ST6GALNAC6: variants seen among roughly 807,000 people sequenced by gnomAD.
The protein encoded by ST6GALNAC6 is alpha-N-acetylgalactosaminide alpha-2,6-sialyltransferase 6.
ST6GALNAC6 carries 19 observed loss-of-function variants against 34.3 expected under a neutral mutation model. The observed-to-expected ratio is 0.55, with a 90% CI of 0.39 to 0.81. ST6GALNAC6 has a LOEUF of 0.81. Among genes scored for constraint, ST6GALNAC6 ranks in the 40% least tolerant of loss-of-function variants. The pLI, the probability that ST6GALNAC6 is intolerant of heterozygous loss-of-function variation, is 0.00. For synonymous variants in ST6GALNAC6, 185 were observed against 182.1 expected, an observed-to-expected ratio of 1.02 and a Z score of -0.13; for missense variants, 377 against 467.7, an observed-to-expected ratio of 0.81 and a Z score of 1.79.
At chr9:127,903,535 C>T (rs919504174), upstream of ST6GALNAC6, 7 of 152,178 alleles carry the variant, frequency 4.6e-5, no homozygotes, top group Non-Finnish European at 7.3e-5. Flanking sequence ...CAGCAGTAGT[C>T]CCCCAGGGTC....
At chr9:127,899,637 C>G (rs1830677475), upstream of ST6GALNAC6, 1 of 983,176 alleles carries the variant, frequency 1.0e-6, no homozygotes, top group South Asian at 4.7e-5. Flanking sequence ...CCTAGCGCCG[C>G]CGTCACGGCC....
At chr9:127,888,261 T>G (rs913370045) in intron 5 of ST6GALNAC6, among the ~76,000 whole-genome samples, 2 of 152,036 alleles carry the variant, frequency 1.3e-5, no homozygotes, top group Non-Finnish European at 2.9e-5. Flanking sequence ...CCTGGCACTT[T>G]GGGAGGCTGA....
chr9:127,906,147 G>A (rs143141672), upstream of ST6GALNAC6: 622 of 445,882 alleles, frequency 1.4e-3, 5 homozygotes, highest in African/African-American at 0.012. Context: ...AGCCAAGGGC[G>A]GGAGGGAGAG....
At chr9:127,887,701 G>A (rs1011568313) in intron 5 of ST6GALNAC6, 110 bp from the exon 6 acceptor site, 2 of 845,662 alleles carry the variant, frequency 2.4e-6, no homozygotes, top group Non-Finnish European at 3.8e-6. Context: ...CCACTCATCA[G>A]GGCCCCACTC....
intron 6 of ST6GALNAC6, 114 bp downstream of exon 6, chr9:127,887,370 A>T: frequency 1.3e-6 from 1 of 759,486 alleles, no homozygotes; most frequent in South Asian, 1.6e-5. Context: ...TTTGAAAACA[A>T]TGAAGCAGAG....
chr9:127,896,588 C>G (rs1271789477), intron 2 of ST6GALNAC6, among the ~76,000 whole-genome samples: 2 of 152,246 alleles, frequency 1.3e-5, no homozygotes, highest in African/African-American at 4.8e-5. Context: ...AGGCAGCTGG[C>G]AGGGCCAAAG....
At chr9:127,894,098 A>C (rs570796340) in intron 4 of ST6GALNAC6, among the ~76,000 whole-genome samples, 21 of 152,132 alleles carry the variant, frequency 1.4e-4, no homozygotes, top group Admixed American at 7.2e-4. Context: ...TGCTGCCCTC[A>C]CAGGGCTTGT....
chr9:127,886,564 C>T lies in ST6GALNAC6; in HGVS notation c.*35G>A. On this transcript the variant is annotated 3_prime_UTR_variant, in exon 7 of 7. Coordinates refer to ENST00000373146, the MANE Select transcript of ST6GALNAC6 (RefSeq NM_013443.5). ...AGCGGCTGGGCGGAGGCTGCTTCTC[C>T]TCTGACCCTCCTGAGGTCCCACAGG... 2 of 1,611,814 alleles carry T rather than the reference C, an allele frequency of 1.2e-6. No individual in the cohort carries two copies. The highest frequency in any genetic ancestry group is 2.2e-5 in the East Asian group (1 of 44,852).
chr9:127,896,457 T>A (rs1366096806), intron 2 of ST6GALNAC6, 125 bp from the exon 3 acceptor site: 2 of 795,522 alleles, frequency 2.5e-6, no homozygotes, highest in East Asian at 2.8e-5. Flanking sequence ...CAGGACTGTA[T>A]CCCTTTTGCA....
intron 1 of ST6GALNAC6, 42 bp downstream of exon 1, chr9:127,899,460 CG>C: frequency 1.1e-6 from 1 of 894,570 alleles, no homozygotes; most frequent in Non-Finnish European, 1.3e-6. Flanking sequence ...CCCCCGCCTC[CG>C]CCCCCGCCCC....
At chr9:127,895,895 A>G (rs1830422095) in intron 3 of ST6GALNAC6, among the ~76,000 whole-genome samples, 2 of 152,118 alleles carry the variant, frequency 1.3e-5, no homozygotes, top group African/African-American at 4.8e-5. Context: ...TTTGACTCTG[A>G]TCAGTGCACC....
At chr9:127,899,608 C>T, upstream of ST6GALNAC6, 10 of 982,140 alleles carry the variant, frequency 1.0e-5, no homozygotes, top group Non-Finnish European at 1.2e-5. Context: ...GGCCTCGCCG[C>T]ACCCGCGGCC....
At position 127,886,585 on chromosome 9, in the gene ST6GALNAC6, A is replaced by C. The variant is rs547925936; in HGVS notation, c.*14T>G. 723 of 1,613,288 alleles carry C rather than the reference A, an allele frequency of 4.5e-4. 18 individuals carry two copies. In the South Asian group the frequency reaches 7.5e-3, roughly 17 times the overall value. ...TCTCCTCTGACCCTCCTGAGGTCCCACAGGCTGGGTGGCCTAGGTCCAGGA... is the reference window on the plus strand; with the variant it reads ...TCTCCTCTGACCCTCCTGAGGTCCCCCAGGCTGGGTGGCCTAGGTCCAGGA... On this transcript the variant is annotated 3_prime_UTR_variant, in exon 7 of 7. Transcript: ENST00000373146.
intron 4 of ST6GALNAC6, among the ~76,000 whole-genome samples, chr9:127,891,462 C>T (rs918125092): frequency 6.6e-6 from 1 of 150,976 alleles, no homozygotes; most frequent in African/African-American, 2.4e-5. Context: ...CCAAAAAATA[C>T]AAAAATTAGC....
intron 3 of ST6GALNAC6, among the ~76,000 whole-genome samples, chr9:127,895,341 C>G (rs972310778): frequency 3.3e-5 from 5 of 152,192 alleles, no homozygotes; most frequent in African/African-American, 1.2e-4. Flanking sequence ...TACCCACTGC[C>G]CAGAGGCCAG....
chr9:127,889,501 T>C (rs972052710), intron 5 of ST6GALNAC6, among the ~76,000 whole-genome samples: 1 of 150,642 alleles, frequency 6.6e-6, no homozygotes, highest in African/African-American at 2.4e-5. Context: ...TGGAGTGCAA[T>C]GGCAGGATGT....
At chr9:127,899,996 T>C (rs1830693785), upstream of ST6GALNAC6, among the ~76,000 whole-genome samples, 1 of 152,208 alleles carries the variant, frequency 6.6e-6, no homozygotes, top group Admixed American at 6.5e-5. Context: ...CTGGGCAAAC[T>C]TAGGGTTCAC....
At chr9:127,891,512 G>A (rs977365655) in intron 4 of ST6GALNAC6, among the ~76,000 whole-genome samples, 9 of 151,444 alleles carry the variant, frequency 5.9e-5, no homozygotes, top group African/African-American at 2.2e-4. Flanking sequence ...AGCTACTCGG[G>A]AGACTAAGGC....
At chr9:127,901,881 G>C (rs540767670), upstream of ST6GALNAC6, among the ~76,000 whole-genome samples, 2 of 150,546 alleles carry the variant, frequency 1.3e-5, no homozygotes, top group South Asian at 4.2e-4. Context: ...TGCAGTGACC[G>C]AGATCGTGCC....
Sources: allele counts gnomAD v4.1 joint callset (sites outside exome capture counted in the v4.1 genomes callset), GRCh38; gene constraint gnomAD v4.1.1; transcripts MANE v1.5; gene names NCBI Gene and HGNC (gene_info 2026-07-23, HGNC 2026-07-21).